The following INTS6L variants were observed in gnomAD, a reference collection of about 807,000 sequenced individuals.
INTS6L encodes the protein integrator complex subunit 6-like.
In INTS6L, 18 loss-of-function variants were observed where a neutral mutation model predicts 64.7. The ratio of observed to expected loss-of-function variants is 0.28; its 90% CI spans 0.19 to 0.41. The LOEUF (loss-of-function observed/expected upper bound fraction) is 0.41. INTS6L is among the 10% of genes least tolerant of loss of function. INTS6L has a pLI of 1.00. For synonymous variants in INTS6L, 227 were observed against 235.9 expected (o/e 0.96, Z 0.34); for missense variants, 533 against 661.0 (o/e 0.81, Z 2.12).
intron 9 of INTS6L, among the ~76,000 whole-genome samples, chrX:135,565,111 G>A (rs1028107067): frequency 7.1e-5 from 8 of 111,955 alleles, no homozygotes; most frequent in Admixed American, 6.6e-4. Flanking sequence ...CATTACTACT[G>A]AGCAGTTGTG....
At chrX:135,524,909 G>A (rs782232081) in intron 2 of INTS6L, among the ~76,000 whole-genome samples, 48 of 112,496 alleles carry the variant, frequency 4.3e-4, no homozygotes, top group Middle Eastern at 4.6e-3. Context: ...AAAAGCGTAC[G>A]AAATGTAAGC....
At chrX:135,554,345 C>T (rs1489202707) in intron 8 of INTS6L, among the ~76,000 whole-genome samples, 6 of 111,846 alleles carry the variant, frequency 5.4e-5, no homozygotes, top group Non-Finnish European at 9.4e-5. Flanking sequence ...TTTTTCCTCT[C>T]TTCTAATATA....
intron 2 of INTS6L, among the ~76,000 whole-genome samples, chrX:135,526,153 A>G (rs1556501010): frequency 9.0e-6 from 1 of 110,503 alleles, no homozygotes; most frequent in Non-Finnish European, 1.9e-5. Flanking sequence ...AACCTTCATC[A>G]TTTCTCACTT....
At chrX:135,547,549 C>G (rs1556515560) in intron 6 of INTS6L, among the ~76,000 whole-genome samples, 1 of 112,150 alleles carries the variant, frequency 8.9e-6, no homozygotes, top group African/African-American at 3.2e-5. Context: ...TCATTCACCT[C>G]TCTATTCACA....
intron 2 of INTS6L, among the ~76,000 whole-genome samples, chrX:135,527,015 T>C (rs2085757681): frequency 8.9e-6 from 1 of 112,094 alleles, no homozygotes; most frequent in South Asian, 3.7e-4. Flanking sequence ...ATATTTCTCT[T>C]TTTTCTTTTT....
chrX:135,552,183 C>T (rs1222372300), intron 8 of INTS6L, 37 bp downstream of exon 8: 2 of 1,107,350 alleles, frequency 1.8e-6, no homozygotes, highest in African/African-American at 1.8e-5. Context: ...TGTCTGTAAC[C>T]ACTCTAGGAT....
intron 12 of INTS6L, 72 bp from the exon 13 acceptor site, chrX:135,573,867 G>C: frequency 1.9e-6 from 2 of 1,072,403 alleles, no homozygotes; most frequent in Non-Finnish European, 2.5e-6. Flanking sequence ...AACATTTTAA[G>C]AGAGATAAGT....
At chrX:135,565,933 G>A (rs1371784540) in intron 9 of INTS6L, among the ~76,000 whole-genome samples, 1 of 112,037 alleles carries the variant, frequency 8.9e-6, no homozygotes, top group Non-Finnish European at 1.9e-5. Context: ...GTTTTCTGAG[G>A]AGTATAGGGT....
chrX:135,544,808 G>A (rs1556514315), intron 2 of INTS6L, among the ~76,000 whole-genome samples: 3 of 111,657 alleles, frequency 2.7e-5, no homozygotes, highest in Non-Finnish European at 5.6e-5. Flanking sequence ...CGTGGCTAGG[G>A]GATGCTGCTT....
At chrX:135,533,909 G>T (rs1229747257) in intron 2 of INTS6L, among the ~76,000 whole-genome samples, 8 of 111,474 alleles carry the variant, frequency 7.2e-5, no homozygotes, top group Non-Finnish European at 1.1e-4. Flanking sequence ...AATAGTCTGA[G>T]ACTGGGAAAG....
Position 135,555,764 on chromosome X carries a change from C to T in INTS6L, c.1060-404C>T, listed in dbSNP as rs183206573. The stretch of plus-strand genomic sequence containing the variant: ...AGCGCAGTGGCACAGTCATGACTCA[C>T]TGCAGCCTCAAGCTCCCTGGCTCAA... On this transcript the variant is annotated intron_variant, in intron 8 of 17. Coordinates refer to ENST00000639893, the MANE Select transcript of INTS6L (RefSeq NM_001351601.3). Among the ~76,000 whole-genome samples the T allele has an allele frequency of 8.0e-5, 9 of 111,885 alleles. No individual in the cohort carries two copies. In the East Asian group the frequency reaches 2.5e-3, roughly 31 times the overall value.
rs138551817 is a variant in INTS6L at position 135,577,355 on chromosome X, G to A, written c.2047G>A (p.Gly683Arg). 3.1e-5 allele frequency: 37 copies of A among 1,209,816 alleles called. No individual in the cohort carries two copies. Among genetic ancestry groups the A allele is most frequent in the Non-Finnish European group, 3.8e-5 (34 of 895,258 alleles). Residue 683 changes from glycine to arginine, a missense_variant, in exon 15 of 18, where the codon GGA (glycine) becomes AGA (arginine). Transcript: ENST00000639893. ...TPPTVTNHVG[G>R]KGPPSASWFP... is the part of the protein sequence containing the mutation. ...ACCTACTGTAACTAACCATGTGGGC[G>A]GAAAGGGACCACCCTCAGCCTCGTG...
chrX:135,549,750 T>C lies in INTS6L; in HGVS notation c.851T>C (p.Val284Ala). The stretch of plus-strand genomic sequence containing the variant: ...CCTAACTCTAAAACTGGTGTTCCTG[T>C]TGGACATTGGCCAATTCCAGAATCT... ...VRPNSKTGVP[V>A]GHWPIPESFW... is the part of the protein sequence containing the mutation. The change falls in exon 7 of 18, where the codon GTT (valine) becomes GCT (alanine). Residue 284 changes from valine (V) to alanine (A), a missense_variant. By Grantham distance (64) the Val-to-Ala change is moderately conservative. Transcript: ENST00000639893. The C allele has an allele frequency of 2.5e-6, 3 of 1,212,309 alleles. No homozygotes were observed. The highest frequency in any genetic ancestry group is 3.3e-6 in the Non-Finnish European group (3 of 895,537).
chrX:135,542,031 G>GA (rs2086233474), intron 2 of INTS6L, among the ~76,000 whole-genome samples: 1 of 111,421 alleles, frequency 9.0e-6, no homozygotes, highest in East Asian at 2.8e-4. Flanking sequence ...TTCTTCTCTT[G>GA]ATATAGGGAG....
Position 135,580,054 on chromosome X carries a change from A to G in INTS6L, c.2386A>G (p.Thr796Ala). 8.3e-7 allele frequency: 1 copy of G among 1,212,091 alleles called. No individual in the cohort carries two copies. The highest frequency in any genetic ancestry group is 1.1e-6 in the Non-Finnish European group (1 of 895,510). The change falls in exon 16 of 18, where the codon ACT (threonine) becomes GCT (alanine). Residue 796 changes from threonine to alanine, a missense_variant. Transcript: ENST00000639893. ...VDDQKDPVAS[T>A]LGAMPNTLQI... Reference sequence around the variant, plus strand: ...TGACCAAAAAGACCCAGTAGCATCTACTTTGGGAGCTATGCCAAATACATT... The same window carrying G: ...TGACCAAAAAGACCCAGTAGCATCTGCTTTGGGAGCTATGCCAAATACATT...
chrX:135,562,729 A>G (rs1456414654), intron 9 of INTS6L, among the ~76,000 whole-genome samples: 1 of 112,223 alleles, frequency 8.9e-6, no homozygotes, highest in African/African-American at 3.2e-5. Context: ...ATTGATCATT[A>G]TGTAATGTAT....
At chrX:135,568,861 G>C (rs993006237) in intron 9 of INTS6L, among the ~76,000 whole-genome samples, 16 of 112,052 alleles carry the variant, frequency 1.4e-4, no homozygotes, top group African/African-American at 5.2e-4. Flanking sequence ...TATAGTTTTA[G>C]AGCTTGCTCA....
intron 2 of INTS6L, among the ~76,000 whole-genome samples, chrX:135,534,170 A>G (rs1353763020): frequency 9.1e-6 from 1 of 109,610 alleles, no homozygotes; most frequent in African/African-American, 3.3e-5. Context: ...TCATAAACAT[A>G]TTTTTAAAAT....
At chrX:135,566,794 CT>C (rs1163759057) in intron 9 of INTS6L, among the ~76,000 whole-genome samples, 9 of 110,413 alleles carry the variant, frequency 8.2e-5, no homozygotes, top group African/African-American at 2.3e-4. Context: ...TTTGTAACAA[CT>C]TTTTTTTTCG....
Sources: allele counts gnomAD v4.1 joint callset (sites outside exome capture counted in the v4.1 genomes callset), GRCh38; gene constraint gnomAD v4.1.1; transcripts MANE v1.5; gene names NCBI Gene and HGNC (gene_info 2026-07-23, HGNC 2026-07-21).